Variants in URI1 observed in about 807,000 individuals in gnomAD.
URI1 encodes the protein URI1 prefoldin like chaperone, also known as unconventional prefoldin RPB5 interactor 1.
Under a neutral mutation model 60.2 loss-of-function variants are expected in URI1, and 39 were observed. The observed-to-expected ratio is 0.65, with a 90% CI of 0.50 to 0.85. The LOEUF (loss-of-function observed/expected upper bound fraction) is 0.85, where lower values mean the gene tolerates loss of function less well. URI1 is among the 40% of genes least tolerant of loss of function. The pLI, the probability that URI1 is intolerant of heterozygous loss-of-function variation, is 0.00. For synonymous variants in URI1, 251 were observed against 236.8 expected, an observed-to-expected ratio of 1.06 and a Z score of -0.55; for missense variants, 691 against 665.9, an observed-to-expected ratio of 1.04 and a Z score of -0.42.
intron 1 of URI1, among the ~76,000 whole-genome samples, chr19:29,950,612 A>G (rs1365351290): frequency 6.6e-6 from 1 of 152,140 alleles, no homozygotes; most frequent in Non-Finnish European, 1.5e-5. Context: ...AATTGCAGAC[A>G]TCATCACATC....
At chr19:29,939,533 C>T (rs905002101), upstream of URI1, among the ~76,000 whole-genome samples, 2 of 152,148 alleles carry the variant, frequency 1.3e-5, no homozygotes, top group African/African-American at 4.8e-5. Flanking sequence ...CTCCACCTCC[C>T]AAAGTGCTGG....
intron 1 of URI1, chr19:29,957,006 CA>C: frequency 6.8e-5 from 48 of 701,368 alleles, no homozygotes; most frequent in Non-Finnish European, 8.5e-5. Flanking sequence ...GTAAACGCAG[CA>C]AAAAAAAGTG....
At chr19:29,993,274 G>C (rs919582859) in intron 4 of URI1, among the ~76,000 whole-genome samples, 1 of 152,152 alleles carries the variant, frequency 6.6e-6, no homozygotes, top group Non-Finnish European at 1.5e-5. Flanking sequence ...TGTGAAGGTT[G>C]AGGGGAAGCA....
At chr19:29,974,208 A>G (rs182360446) in intron 2 of URI1, among the ~76,000 whole-genome samples, 1 of 152,254 alleles carries the variant, frequency 6.6e-6, no homozygotes, top group Admixed American at 6.5e-5. Context: ...GTGAAGATCA[A>G]ATGAGATCAT....
intron 1 of URI1, among the ~76,000 whole-genome samples, chr19:29,951,244 C>T (rs1410361802): frequency 6.6e-6 from 1 of 152,134 alleles, no homozygotes; most frequent in African/African-American, 2.4e-5. Context: ...CATAAAGTTA[C>T]CTTTAAATGG....
intron 4 of URI1, 54 bp from the exon 5 acceptor site, chr19:30,005,307 C>T: frequency 2.0e-6 from 2 of 1,016,094 alleles, no homozygotes; most frequent in Non-Finnish European, 2.9e-6. Flanking sequence ...TAAAATATTC[C>T]TACAGGTCGT....
intron 8 of URI1, among the ~76,000 whole-genome samples, chr19:30,010,741 A>G (rs576405286): frequency 4.6e-4 from 70 of 152,210 alleles, no homozygotes; most frequent in African/African-American, 1.7e-3. Context: ...TTTTGTTTAT[A>G]CTCTTTCTTT....
At chr19:29,990,637 T>C (rs1249613639) in intron 4 of URI1, among the ~76,000 whole-genome samples, 1 of 152,212 alleles carries the variant, frequency 6.6e-6, no homozygotes, top group Non-Finnish European at 1.5e-5. Flanking sequence ...TATTGTATGA[T>C]TCCATTTACA....
intron 1 of URI1, among the ~76,000 whole-genome samples, chr19:29,951,705 C>T (rs917120603): frequency 2.0e-4 from 31 of 152,158 alleles, no homozygotes; most frequent in Non-Finnish European, 7.4e-5. Flanking sequence ...TGCCACCACG[C>T]CCAGCTACTT....
At chr19:29,937,753 C>T (rs917532207), upstream of URI1, 6 of 152,132 alleles carry the variant, frequency 3.9e-5, no homozygotes, top group Non-Finnish European at 7.3e-5. Context: ...AGGGCTGAAA[C>T]CAATACAGGA....
At position 29,950,398 on chromosome 19, in the gene URI1, C is replaced by G. The variant is rs545412720; in HGVS notation, c.117+7734C>G. ...CTTGCCCTTATCTCCAGAGTGATGT[C>G]TCAATCTTTTTAGTCTGTCATATGC... On this transcript the variant is annotated intron_variant, in intron 1 of 10. Transcript: ENST00000392271. Among the ~76,000 whole-genome samples, 158 of 148,010 alleles carry G rather than the reference C, an allele frequency of 1.1e-3. 3 individuals carry two copies. The highest frequency in any genetic ancestry group is 3.8e-3 in the African/African-American group (156 of 40,726).
intron 1 of URI1, 23 bp downstream of exon 1, chr19:29,942,687 T>C: frequency 7.4e-7 from 1 of 1,360,280 alleles, no homozygotes; most frequent in Non-Finnish European, 9.5e-7. Flanking sequence ...CCCGCGCCGC[T>C]TCCGCCTCCG....
At chr19:29,953,318 C>T (rs1225346389) in intron 1 of URI1, among the ~76,000 whole-genome samples, 2 of 152,032 alleles carry the variant, frequency 1.3e-5, no homozygotes, top group East Asian at 3.9e-4. Context: ...TGGCTATTGA[C>T]TGTTGTATTG....
chr19:29,989,472 G>A (rs1190860619), intron 4 of URI1, among the ~76,000 whole-genome samples: 1 of 151,776 alleles, frequency 6.6e-6, no homozygotes, highest in African/African-American at 2.4e-5. Context: ...CGCCCAGGCT[G>A]GAGTGCAGTG....
At chr19:30,003,020 T>C (rs1007516349) in intron 4 of URI1, among the ~76,000 whole-genome samples, 3 of 152,008 alleles carry the variant, frequency 2.0e-5, no homozygotes, top group Non-Finnish European at 4.4e-5. Context: ...TTTTGGAGAA[T>C]AGAGTACAAA....
At position 29,942,615 on chromosome 19, in the gene URI1, T is replaced by A; in HGVS notation, c.68T>A (p.Val23Asp). 7.1e-7 allele frequency: 1 copy of A among 1,400,528 alleles called. No homozygotes were observed. The highest frequency in any genetic ancestry group is 1.4e-5 in the South Asian group (1 of 73,790). 86.8% of individuals were successfully genotyped at this position (1,400,528 alleles called of 1,614,324 possible). ...SPPSAPAPAL[V>D]PLRAPDVARL... The stretch of plus-strand genomic sequence containing the variant: ...CCTTCGGCCCCGGCCCCTGCCCTGG[T>A]TCCGTTGCGCGCCCCGGATGTGGCG... Residue 23 changes from valine to aspartate, a missense_variant, in exon 1 of 11, where the codon GTT becomes GAT. Val to Asp is a radical substitution (Grantham distance 152). Transcript: ENST00000392271.
At chr19:30,004,405 A>T (rs966463) in intron 4 of URI1, 149 of 152,146 alleles carry the variant, frequency 9.8e-4, no homozygotes, top group African/African-American at 3.3e-3. Flanking sequence ...CTTTTAAAAG[A>T]TATTTTAACT....
At chr19:30,004,537 C>T (rs1169768830) in intron 4 of URI1, 1 of 152,028 alleles carries the variant, frequency 6.6e-6, no homozygotes, top group Non-Finnish European at 1.5e-5. Flanking sequence ...TAGGAAATCA[C>T]AGAGCATCTG....
intron 2 of URI1, among the ~76,000 whole-genome samples, chr19:29,982,559 A>C (rs2055612251): frequency 6.6e-6 from 1 of 152,212 alleles, no homozygotes; most frequent in African/African-American, 2.4e-5. Context: ...TCTGAAACAT[A>C]AATAAGCTGT....
Sources: allele counts gnomAD v4.1 joint callset (sites outside exome capture counted in the v4.1 genomes callset), GRCh38; gene constraint gnomAD v4.1.1; transcripts MANE v1.5; gene names NCBI Gene and HGNC (gene_info 2026-07-23, HGNC 2026-07-21).